The following OPHN1 variants were observed in gnomAD, a reference collection of about 807,000 sequenced individuals.
OPHN1 encodes the protein oligophrenin 1, also known as oligophrenin-1.
OPHN1 carries 11 observed loss-of-function variants against 60.7 expected under a neutral mutation model. That is an observed-to-expected ratio of 0.18 (90% CI 0.11 to 0.30). The LOEUF (loss-of-function observed/expected upper bound fraction) is 0.30, where lower values mean the gene tolerates loss of function less well. Among genes scored for constraint, OPHN1 ranks in the 10% least tolerant of loss-of-function variants. OPHN1 has a pLI of 1.00. For missense variants in OPHN1, 449 were observed against 611.0 expected (o/e 0.73, Z 2.80); for synonymous variants, 226 against 222.6 (o/e 1.02, Z -0.14).
chrX:68,228,600 G>A (rs987984235), intron 6 of OPHN1, among the ~76,000 whole-genome samples: 2 of 111,318 alleles, frequency 1.8e-5, no homozygotes, highest in Admixed American at 9.6e-5. Flanking sequence ...TGCAAGGCTC[G>A]TTCAACATAC....
intron 19 of OPHN1, among the ~76,000 whole-genome samples, chrX:68,092,264 C>CT (rs2077021436): frequency 1.8e-5 from 2 of 111,783 alleles, no homozygotes; most frequent in African/African-American, 6.5e-5. Context: ...CATATAATCC[C>CT]TATGTGTGAA....
chrX:68,053,485 G>A (rs780571190), intron 22 of OPHN1, among the ~76,000 whole-genome samples, 160 bp downstream of exon 22: 14 of 111,656 alleles, frequency 1.3e-4, no homozygotes, highest in African/African-American at 4.6e-4. Context: ...GCATTGAGTG[G>A]AATACTCCCA....
chrX:68,115,546 A>T (rs12389507), intron 16 of OPHN1, among the ~76,000 whole-genome samples: 45 of 112,439 alleles, frequency 4.0e-4, no homozygotes, highest in Middle Eastern at 9.3e-3. Flanking sequence ...AAGGCTTGTT[A>T]ACAACTTCAA....
chrX:68,067,032 C>T (rs2076915686), intron 20 of OPHN1, among the ~76,000 whole-genome samples: 1 of 112,007 alleles, frequency 8.9e-6, no homozygotes, highest in African/African-American at 3.3e-5. Context: ...GGCCTCTCTT[C>T]CATGGGTGGG....
At chrX:68,432,700 C>G in intron 2 of OPHN1, among the ~76,000 whole-genome samples, 167 bp downstream of exon 2, 1 of 111,886 alleles carries the variant, frequency 8.9e-6, no homozygotes, top group Admixed American at 9.5e-5. Context: ...TTGTATCCAC[C>G]ACTTTCCACT....
chrX:68,278,757 G>T (rs1014729971), intron 4 of OPHN1, among the ~76,000 whole-genome samples: 1 of 111,722 alleles, frequency 9.0e-6, no homozygotes, highest in Non-Finnish European at 1.9e-5. Flanking sequence ...ATGGTGGTGG[G>T]TGCCTGTAGT....
chrX:68,251,180 G>GTTT (rs1161101532), intron 5 of OPHN1, among the ~76,000 whole-genome samples: 25 of 45,713 alleles, frequency 5.5e-4, no homozygotes, highest in South Asian at 1.7e-3. Flanking sequence ...CTCCTCAAAT[G>GTTT]TTTTTTTTTT....
intron 2 of OPHN1, among the ~76,000 whole-genome samples, chrX:68,382,701 G>A (rs1187109462): frequency 6.3e-5 from 7 of 111,572 alleles, no homozygotes; most frequent in Non-Finnish European, 1.1e-4. Context: ...TTGTGGTGAT[G>A]GTTGCACAAC....
intron 2 of OPHN1, among the ~76,000 whole-genome samples, chrX:68,354,210 C>T (rs780904227): frequency 9.1e-6 from 1 of 109,898 alleles, no homozygotes; most frequent in East Asian, 2.9e-4. Flanking sequence ...TTTAGGAGGC[C>T]GAGGCTGGCA....
chrX:68,276,718 T>C (rs768229208), intron 4 of OPHN1, among the ~76,000 whole-genome samples: 18 of 111,119 alleles, frequency 1.6e-4, no homozygotes, highest in Middle Eastern at 4.6e-3. Flanking sequence ...TTTGAACAAA[T>C]AGAGTACTCC....
intron 10 of OPHN1, among the ~76,000 whole-genome samples, chrX:68,202,654 G>C (rs2077540146): frequency 9.2e-6 from 1 of 109,167 alleles, no homozygotes; most frequent in Non-Finnish European, 1.9e-5. Flanking sequence ...TGCGCACCAT[G>C]CCCGGCTAAT....
rs778332586 is a variant in OPHN1 at position 68,073,155 on chromosome X, C to T, written c.1831G>A (p.Glu611Lys). ...VFYTSSLDES[E>K]DEIQHQTPNG... ...AAAGGTGAACCTCAGTACTGACCTT[C>T]GCTTTCATCCAGGGAAGAAGTATAG... Residue 611 changes from glutamate (E) to lysine (K), a missense_variant, in exon 20 of 25, where the codon GAA becomes AAA. Physicochemically the swap from Glu to Lys is moderately conservative, Grantham distance 56. Coordinates refer to ENST00000355520, the MANE Select transcript of OPHN1 (RefSeq NM_002547.3). The T allele has an allele frequency of 1.6e-5, 19 of 1,204,973 alleles. No individual in the cohort carries two copies. The highest frequency in any genetic ancestry group is 1.4e-4 in the African/African-American group (8 of 57,277).
intron 2 of OPHN1, among the ~76,000 whole-genome samples, chrX:68,319,660 T>C (rs181910597): frequency 0.017 from 1,873 of 109,536 alleles, 34 homozygotes; most frequent in African/African-American, 0.051. Context: ...TGCTCGAGCC[T>C]GGGAGGTGGA....
At chrX:68,282,716 C>A (rs1409674034) in intron 4 of OPHN1, among the ~76,000 whole-genome samples, 1 of 111,507 alleles carries the variant, frequency 9.0e-6, no homozygotes, top group Non-Finnish European at 1.9e-5. Context: ...AACTACTCCA[C>A]AAATTAAAGA....
At chrX:68,163,715 G>A (rs192404289) in intron 15 of OPHN1, among the ~76,000 whole-genome samples, 1 of 110,819 alleles carries the variant, frequency 9.0e-6, no homozygotes, top group Non-Finnish European at 1.9e-5. Context: ...TGTATAGAAG[G>A]TTTCCTGTTT....
At chrX:68,082,422 G>T (rs1246840843) in intron 19 of OPHN1, among the ~76,000 whole-genome samples, 1 of 112,036 alleles carries the variant, frequency 8.9e-6, no homozygotes, top group African/African-American at 3.2e-5. Flanking sequence ...TAAATAATAA[G>T]ACTGGAAAGT....
chrX:68,424,162 A>G (rs2078843513), intron 2 of OPHN1, among the ~76,000 whole-genome samples: 1 of 98,153 alleles, frequency 1.0e-5, no homozygotes, highest in Non-Finnish European at 2.1e-5. Context: ...GCTAGACTCC[A>G]TCTCAAAATA....
At chrX:68,217,357 C>T (rs1261476199) in intron 6 of OPHN1, among the ~76,000 whole-genome samples, 1 of 111,559 alleles carries the variant, frequency 9.0e-6, no homozygotes, top group African/African-American at 3.2e-5. Context: ...GGGGGAGGGG[C>T]GCCCGCCATT....
intron 3 of OPHN1, among the ~76,000 whole-genome samples, chrX:68,298,761 ACTGT>A (rs1400594685): frequency 4.5e-5 from 5 of 112,292 alleles, no homozygotes; most frequent in Admixed American, 9.5e-5. Flanking sequence ...TCGCTTGCAG[ACTGT>A]CTGAGTCAAA....
Sources: gnomAD v4.1 joint callset for allele counts (sites outside exome capture counted in the v4.1 genomes callset) on GRCh38, gnomAD v4.1.1 for gene constraint, MANE v1.5 for transcripts, NCBI Gene and HGNC (gene_info 2026-07-23, HGNC 2026-07-21) for gene names.